The following APBB2 variants were observed in gnomAD, a reference collection of about 807,000 sequenced individuals.
APBB2 encodes the protein Fe65-like 1.
Under a neutral mutation model 82.5 loss-of-function variants are expected in APBB2, and 38 were observed. The ratio of observed to expected loss-of-function variants is 0.46; its 90% CI spans 0.36 to 0.60. The LOEUF (loss-of-function observed/expected upper bound fraction) is 0.60, where lower values mean the gene tolerates loss of function less well. Ranked by LOEUF, APBB2 falls within the 20% of genes least tolerant of loss-of-function variation. APBB2 has a pLI of 0.00. For synonymous variants in APBB2, 341 were observed against 368.2 expected (o/e 0.93, Z 0.85); for missense variants, 772 against 972.3 (o/e 0.79, Z 2.74).
At chr4:40,961,388 G>A (rs372165616) in intron 6 of APBB2, among the ~76,000 whole-genome samples, 19 of 148,894 alleles carry the variant, frequency 1.3e-4, no homozygotes, top group Non-Finnish European at 1.5e-4. Flanking sequence ...GTAAACTATC[G>A]CAAGAACAAA....
chr4:40,962,052 G>A (rs1793442404), intron 6 of APBB2, among the ~76,000 whole-genome samples: 1 of 152,082 alleles, frequency 6.6e-6, no homozygotes, highest in Non-Finnish European at 1.5e-5. Context: ...TTCTCTAGAG[G>A]GTTAACAAAA....
In APBB2 at chr4:40,821,857, C is replaced by T. The variant is rs1271627981; in HGVS notation, c.2112+14G>A. 1.9e-6 allele frequency: 3 copies of T among 1,611,186 alleles called. No homozygotes were observed. Among genetic ancestry groups the T allele is most frequent in the South Asian group, 2.2e-5 (2 of 90,914 alleles). The stretch of plus-strand genomic sequence containing the variant: ...AGGCGGGAGGGCTCAACAGCCTGTA[C>T]CGGGATAACTCACCATGCAGGCGGC... On this transcript the variant is annotated intron_variant, in intron 17 of 17. Transcript: ENST00000508593.
At chr4:40,956,267 G>C (rs1791619209) in intron 6 of APBB2, among the ~76,000 whole-genome samples, 1 of 152,136 alleles carries the variant, frequency 6.6e-6, no homozygotes, top group Non-Finnish European at 1.5e-5. Context: ...CCAGGACTCT[G>C]GGTTTAGATC....
At chr4:41,181,475 T>A (rs191901492) in intron 1 of APBB2, among the ~76,000 whole-genome samples, 1 of 152,362 alleles carries the variant, frequency 6.6e-6, no homozygotes, top group Admixed American at 6.5e-5. Context: ...TATGTATAAT[T>A]TCTTCATTTT....
At chr4:40,948,046 A>T (rs2154382229) in intron 6 of APBB2, among the ~76,000 whole-genome samples, 1 of 152,336 alleles carries the variant, frequency 6.6e-6, no homozygotes, top group African/African-American at 2.4e-5. Context: ...AGACTTACTA[A>T]CATTTATCTA....
intron 4 of APBB2, among the ~76,000 whole-genome samples, chr4:41,049,520 C>A (rs983984846): frequency 1.8e-4 from 27 of 148,754 alleles, no homozygotes; most frequent in Non-Finnish European, 3.4e-4. Flanking sequence ...GGGGCCAGCC[C>A]CCGCCCGGCC....
At chr4:41,017,087 G>C (rs999108650) in intron 5 of APBB2, among the ~76,000 whole-genome samples, 5 of 152,048 alleles carry the variant, frequency 3.3e-5, no homozygotes, top group Admixed American at 2.6e-4. Context: ...GTAGAGGCAG[G>C]GGTCTCACTT....
At chr4:41,194,473 AG>A in intron 1 of APBB2, among the ~76,000 whole-genome samples, 3 of 152,222 alleles carry the variant, frequency 2.0e-5, no homozygotes, top group Non-Finnish European at 4.4e-5. Flanking sequence ...GCTTGAGCCC[AG>A]GAGTTTGAGA....
intron 4 of APBB2, among the ~76,000 whole-genome samples, chr4:41,055,364 A>G (rs1727463157): frequency 6.6e-6 from 1 of 152,210 alleles, no homozygotes; most frequent in South Asian, 2.1e-4. Context: ...TAGAACAAAT[A>G]GAAGTGCTAT....
intron 4 of APBB2, among the ~76,000 whole-genome samples, chr4:41,037,155 TC>T (rs1222201133): frequency 5.3e-5 from 8 of 152,220 alleles, no homozygotes; most frequent in African/African-American, 1.7e-4. Context: ...GTTTGGAACT[TC>T]TTAGGTAGGT....
At chr4:41,067,619 A>T (rs1041451359) in intron 3 of APBB2, among the ~76,000 whole-genome samples, 12 of 152,246 alleles carry the variant, frequency 7.9e-5, no homozygotes, top group African/African-American at 2.9e-4. Context: ...GGATCAGTGC[A>T]GAATCCTGGA....
In APBB2 at chr4:40,812,822, C is replaced by T. The variant is rs1461409201; in HGVS notation, c.*3270G>A. ...TTTTAATGGAAATGGGTCTAATGTC[C>T]CTTCATGCAACAAGACAGATGAACA... On this transcript the variant is annotated 3_prime_UTR_variant, in exon 18 of 18. Transcript: ENST00000508593. 1 of 152,120 alleles carries T rather than the reference C, an allele frequency of 6.6e-6. No homozygotes were observed. The highest frequency in any genetic ancestry group is 1.9e-4 in the East Asian group (1 of 5,202). 9.4% of individuals were successfully genotyped at this position (152,120 alleles called of 1,614,324 possible).
At chr4:40,822,089 C>G (rs1384034759) in intron 16 of APBB2, 39 bp from the exon 17 acceptor site, 3 of 1,608,406 alleles carry the variant, frequency 1.9e-6, no homozygotes, top group African/African-American at 2.7e-5. Context: ...CAGGAGATCC[C>G]AGGATCAAGC....
chr4:40,913,047 A>T (rs1434377852), intron 10 of APBB2, among the ~76,000 whole-genome samples: 1 of 152,238 alleles, frequency 6.6e-6, no homozygotes, highest in African/African-American at 2.4e-5. Flanking sequence ...GAGTAAGCAC[A>T]GAGGAAAATC....
intron 12 of APBB2, among the ~76,000 whole-genome samples, chr4:40,845,269 T>C (rs960507857): frequency 6.6e-6 from 1 of 152,138 alleles, no homozygotes; most frequent in African/African-American, 2.4e-5. Context: ...CCTTGTAAAT[T>C]TGCTGGGAAG....
chr4:40,992,109 AC>A (rs1802276067), intron 6 of APBB2, among the ~76,000 whole-genome samples: 1 of 152,104 alleles, frequency 6.6e-6, no homozygotes, highest in Non-Finnish European at 1.5e-5. Context: ...ACTCAGAACA[AC>A]TTTTTGAAAG....
At chr4:40,945,095 C>CG in intron 6 of APBB2, 22 bp from the exon 7 acceptor site, 2 of 547,930 alleles carry the variant, frequency 3.7e-6, no homozygotes, top group South Asian at 2.0e-5. Context: ...GGGGGCGGGG[C>CG]GGGGGGAGAA....
intron 12 of APBB2, among the ~76,000 whole-genome samples, chr4:40,869,985 C>T (rs76501587): frequency 0.052 from 7,911 of 151,778 alleles, 269 homozygotes; most frequent in African/African-American, 0.09. Context: ...CATTTCACAA[C>T]CTTCAAGTTT....
intron 10 of APBB2, among the ~76,000 whole-genome samples, chr4:40,904,228 C>T (rs759437107): frequency 2.6e-5 from 4 of 151,952 alleles, no homozygotes; most frequent in Non-Finnish European, 1.5e-5. Flanking sequence ...GTCAGGAGTT[C>T]GAGACCAGCC....
Sources: allele counts gnomAD v4.1 joint callset (sites outside exome capture counted in the v4.1 genomes callset), GRCh38; gene constraint gnomAD v4.1.1; transcripts MANE v1.5; gene names NCBI Gene and HGNC (gene_info 2026-07-23, HGNC 2026-07-21).